Variants in S100Z observed in about 807,000 individuals in gnomAD.
S100Z encodes the protein protein S100-Z.
In S100Z, 11 loss-of-function variants were observed where a neutral mutation model predicts 8.5. The ratio of observed to expected loss-of-function variants is 1.30; its 90% CI spans 0.82 to 2.15. The LOEUF (loss-of-function observed/expected upper bound fraction) is 2.15. S100Z is among the 30% of genes most tolerant of loss of function. The pLI is 0.00. For missense variants in S100Z, 126 were observed against 117.9 expected, an observed-to-expected ratio of 1.07 and a Z score of -0.32; for synonymous variants, 34 against 43.8, an observed-to-expected ratio of 0.78 and a Z score of 0.89.
At chr5:76,933,463 C>T in the S100Z span, among the ~76,000 whole-genome samples, 10 of 152,080 alleles carry the variant, frequency 6.6e-5, no homozygotes, top group East Asian at 1.9e-4. Context: ...CTGACCTGGT[C>T]GACATAACCA....
intron 2 of S100Z, among the ~76,000 whole-genome samples, chr5:76,871,892 T>C (rs756312657): frequency 6.6e-6 from 1 of 152,182 alleles, no homozygotes; most frequent in African/African-American, 2.4e-5. Flanking sequence ...GCCAAACCAA[T>C]GTACACCTTA....
the S100Z span, among the ~76,000 whole-genome samples, chr5:76,933,494 C>T: frequency 6.6e-6 from 1 of 152,276 alleles, no homozygotes; most frequent in South Asian, 2.1e-4. Context: ...CAGAACGGCC[C>T]GTGATATGCT....
At chr5:76,875,043 C>T (rs1426131073) in intron 2 of S100Z, among the ~76,000 whole-genome samples, 1 of 152,160 alleles carries the variant, frequency 6.6e-6, no homozygotes, top group Admixed American at 6.5e-5. Flanking sequence ...CGCCCGCCGC[C>T]GCGCCCGGCT....
At chr5:76,865,772 G>A (rs1045079175) in intron 1 of S100Z, among the ~76,000 whole-genome samples, 1 of 151,570 alleles carries the variant, frequency 6.6e-6, no homozygotes, top group East Asian at 2.0e-4. Context: ...CAGCACTTTG[G>A]GCGGTTGAGG....
At chr5:76,906,976 G>T (rs28818299) in intron 4 of S100Z, among the ~76,000 whole-genome samples, 2 of 21,798 alleles carry the variant, frequency 9.2e-5, no homozygotes, top group African/African-American at 4.5e-4. Context: ...TTGTGTGTGT[G>T]TATATATATA....
At chr5:76,902,934 C>G (rs1744286530) in intron 4 of S100Z, among the ~76,000 whole-genome samples, 1 of 152,050 alleles carries the variant, frequency 6.6e-6, no homozygotes, top group South Asian at 2.1e-4. Context: ...ACCTGTAATC[C>G]CAGCACTTTG....
intron 4 of S100Z, among the ~76,000 whole-genome samples, chr5:76,910,356 C>A (rs111656007): frequency 6.6e-6 from 1 of 152,100 alleles, no homozygotes; most frequent in Admixed American, 6.5e-5. Flanking sequence ...TTAAACCTGG[C>A]AACCTTGGTG....
intron 1 of S100Z, among the ~76,000 whole-genome samples, chr5:76,854,866 T>C (rs915853254): frequency 6.6e-6 from 1 of 152,230 alleles, no homozygotes; most frequent in Non-Finnish European, 1.5e-5. Flanking sequence ...GAGGGAAGAA[T>C]GGTTTCATGG....
chr5:76,869,236 T>C (rs1742906919), intron 1 of S100Z, among the ~76,000 whole-genome samples: 1 of 151,562 alleles, frequency 6.6e-6, no homozygotes, highest in African/African-American at 2.4e-5. Flanking sequence ...GTGGGGAACA[T>C]ACGGCAGACA....
chr5:76,909,281 A>G (rs966453159), intron 4 of S100Z, among the ~76,000 whole-genome samples: 7 of 152,262 alleles, frequency 4.6e-5, no homozygotes, highest in East Asian at 3.9e-4. Flanking sequence ...TCCTAAGCCA[A>G]TGGGACCAAT....
intron 4 of S100Z, among the ~76,000 whole-genome samples, chr5:76,919,094 A>C (rs983539514): frequency 4.6e-5 from 7 of 152,216 alleles, no homozygotes; most frequent in African/African-American, 1.7e-4. Flanking sequence ...TTACCCACTG[A>C]AGAACATATT....
chr5:76,854,242 G>T (rs1327294779), intron 1 of S100Z, among the ~76,000 whole-genome samples: 1 of 152,186 alleles, frequency 6.6e-6, no homozygotes, highest in African/African-American at 2.4e-5. Context: ...ATGTGAAAGC[G>T]ACTTTGGAAC....
chr5:76,897,032 A>T (rs1030557830), intron 4 of S100Z, among the ~76,000 whole-genome samples: 1 of 152,164 alleles, frequency 6.6e-6, no homozygotes, highest in South Asian at 2.1e-4. Context: ...TTTTTATGCC[A>T]ATGCCATGCT....
intron 4 of S100Z, among the ~76,000 whole-genome samples, chr5:76,915,162 C>T (rs1227452612): frequency 4.0e-5 from 6 of 151,392 alleles, no homozygotes; most frequent in South Asian, 2.1e-4. Context: ...AAACATTAGC[C>T]GAGCATGGTG....
chr5:76,898,933 CTTTTTTTTTT>C (rs56287065), intron 4 of S100Z, among the ~76,000 whole-genome samples: 7 of 109,958 alleles, frequency 6.4e-5, no homozygotes, highest in African/African-American at 2.5e-4. Flanking sequence ...CTTTTCTTTT[CTTTTTTTTTT>C]TTTTTTTTTG....
intron 4 of S100Z, among the ~76,000 whole-genome samples, chr5:76,916,543 A>T (rs542026362): frequency 1.3e-5 from 2 of 152,170 alleles, no homozygotes; most frequent in African/African-American, 4.8e-5. Context: ...AAAAAAAAAA[A>T]AAAAAACCTT....
intron 4 of S100Z, among the ~76,000 whole-genome samples, chr5:76,884,989 G>C (rs1356971553): frequency 6.6e-6 from 1 of 152,170 alleles, no homozygotes; most frequent in Non-Finnish European, 1.5e-5. Context: ...ATGCCTGGAC[G>C]TCAGGCACCT....
chr5:76,934,873 GGAGTT>G, the S100Z span, among the ~76,000 whole-genome samples: 1 of 151,454 alleles, frequency 6.6e-6, no homozygotes, highest in East Asian at 1.9e-4. Flanking sequence ...ATAAGCTCTA[GGAGTT>G]GTCAAATGCC....
rs1743248850 is a variant in S100Z at position 76,877,730 on chromosome 5, G to A, written c.198G>A (p.Lys66=). The change falls in exon 4 of 5, where the codon AAG becomes AAA. Residue 66 remains lysine, a synonymous_variant. Coordinates refer to ENST00000317593, the MANE Select transcript of S100Z (RefSeq NM_130772.4). Reference sequence around the variant, plus strand: ...TAGTGCAGGACCTGGATGCCAATAAGGACAACGAAGTGGATTTTAATGAAT... The same window carrying A: ...TAGTGCAGGACCTGGATGCCAATAAAGACAACGAAGTGGATTTTAATGAAT... ...DKIVQDLDAN[K]DNEVDFNEFV... 6.2e-7 allele frequency: 1 copy of A among 1,611,448 alleles called. No homozygotes were observed. Among genetic ancestry groups the A allele is most frequent in the Non-Finnish European group, 8.5e-7 (1 of 1,177,738 alleles).
Sources: allele counts gnomAD v4.1 joint callset (sites outside exome capture counted in the v4.1 genomes callset), GRCh38; gene constraint gnomAD v4.1.1; transcripts MANE v1.5; gene names NCBI Gene and HGNC (gene_info 2026-07-23, HGNC 2026-07-21).